SLC1A1: variants seen among roughly 807,000 people sequenced by gnomAD.
SLC1A1 encodes solute carrier family 1 member 1.
SLC1A1 carries 43 observed loss-of-function variants against 53.3 expected under a neutral mutation model. The observed-to-expected ratio is 0.81, with a 90% CI of 0.63 to 1.04. The LOEUF (loss-of-function observed/expected upper bound fraction) is 1.04, where lower values mean the gene tolerates loss of function less well. Among genes scored for constraint, SLC1A1 ranks in the 50% least tolerant of loss-of-function variants. SLC1A1 has a pLI of 0.00. For missense variants in SLC1A1, 748 were observed against 664.9 expected (o/e 1.12, Z -1.37); for synonymous variants, 307 against 243.2 (o/e 1.26, Z -2.44).
chr9:4,502,829 CCTT>C (rs1461114306), intron 1 of SLC1A1, among the ~76,000 whole-genome samples: 2 of 151,794 alleles, frequency 1.3e-5, no homozygotes, highest in Non-Finnish European at 2.9e-5. Context: ...CTATTCTCCT[CCTT>C]CTTGCTTCAT....
At position 4,574,871 on chromosome 9, in the gene SLC1A1, G is replaced by T. The variant is rs971559413; in HGVS notation, c.875+857G>T. Among the ~76,000 whole-genome samples the T allele has an allele frequency of 3.9e-5, 6 of 152,150 alleles. No individual in the cohort carries two copies. In the South Asian group the frequency reaches 1.0e-3, roughly 26 times the overall value. On this transcript the variant is annotated intron_variant, in intron 8 of 11. Coordinates refer to ENST00000262352, the MANE Select transcript of SLC1A1 (RefSeq NM_004170.6). ...ACACAGCGCATTTGGTTCTTAATCT[G>T]TGTTTGCCAAAAACACAGCCCTGCC...
intron 1 of SLC1A1, among the ~76,000 whole-genome samples, chr9:4,516,554 A>G (rs930435065): frequency 6.6e-6 from 1 of 151,382 alleles, no homozygotes; most frequent in African/African-American, 2.4e-5. Flanking sequence ...AATCTATCCC[A>G]CTCCTGATGA....
At chr9:4,508,098 A>C (rs1820863801) in intron 1 of SLC1A1, among the ~76,000 whole-genome samples, 3 of 152,152 alleles carry the variant, frequency 2.0e-5, no homozygotes, top group Admixed American at 2.0e-4. Context: ...ATTTGCCCTG[A>C]TACTGAGGAA....
Position 4,583,141 on chromosome 9 carries a change from G to A in SLC1A1, c.1297G>A (p.Val433Ile). Residue 433 changes from valine to isoleucine, a missense_variant, in exon 11 of 12, where the codon GTC (valine) becomes ATC (isoleucine). Transcript: ENST00000262352. The surrounding 1 kb of genome is among the most constrained non-coding windows in gnomAD (Gnocchi z 4.6). Reference sequence around the variant, plus strand: ...TGCCGTGGGCCTGCCCGCCGAGGATGTCACCCTGATCATTGCTGTCGACTG... The same window carrying A: ...TGCCGTGGGCCTGCCCGCCGAGGATATCACCCTGATCATTGCTGTCGACTG... ...LSAVGLPAED[V>I]TLIIAVDWLL... 6.2e-7 allele frequency: 1 copy of A among 1,614,230 alleles called. No homozygotes were observed. Among genetic ancestry groups the A allele is most frequent in the African/African-American group, 1.3e-5 (1 of 75,054 alleles).
At chr9:4,505,421 T>C (rs1820772643) in intron 1 of SLC1A1, among the ~76,000 whole-genome samples, 1 of 152,122 alleles carries the variant, frequency 6.6e-6, no homozygotes, top group Non-Finnish European at 1.5e-5. Context: ...CAGAACAGTT[T>C]GTCCTGACCA....
intron 4 of SLC1A1, among the ~76,000 whole-genome samples, chr9:4,564,900 T>A (rs958872454): frequency 1.1e-4 from 16 of 152,228 alleles, no homozygotes; most frequent in African/African-American, 3.6e-4. Context: ...AATTTTGTTT[T>A]CACTTAAAAC....
At chr9:4,524,879 G>A (rs1375486673) in intron 1 of SLC1A1, among the ~76,000 whole-genome samples, 2 of 152,066 alleles carry the variant, frequency 1.3e-5, no homozygotes, top group African/African-American at 4.8e-5. Context: ...GCCAGAGTGA[G>A]AACTCGCTAC....
intron 1 of SLC1A1, among the ~76,000 whole-genome samples, chr9:4,493,601 C>T (rs931274551): frequency 4.6e-5 from 7 of 152,142 alleles, no homozygotes; most frequent in Admixed American, 1.3e-4. Flanking sequence ...TGATTATAGC[C>T]GTTCAAATGT....
In SLC1A1 at chr9:4,549,034, C is replaced by T. The variant is rs1817711592; in HGVS notation, c.232+4327C>T. Among the ~76,000 whole-genome samples the T allele has an allele frequency of 1.3e-5, 2 of 152,158 alleles. No individual in the cohort carries two copies. Reference sequence around the variant, plus strand: ...TGAGAATTGTGGCTCTGGAAAAATCCTGGTCCAGCCAGTGAGTTTAAATTC... The same window carrying T: ...TGAGAATTGTGGCTCTGGAAAAATCTTGGTCCAGCCAGTGAGTTTAAATTC... On this transcript the variant is annotated intron_variant, in intron 2 of 11. Coordinates refer to ENST00000262352, the MANE Select transcript of SLC1A1 (RefSeq NM_004170.6). This position sits in a 1 kb window ranked among gnomAD's most constrained non-coding sequence, Gnocchi z 4.1.
chr9:4,500,313 GTTTGT>G (rs976654993), intron 1 of SLC1A1, among the ~76,000 whole-genome samples: 9 of 152,020 alleles, frequency 5.9e-5, no homozygotes, highest in African/African-American at 1.4e-4. Flanking sequence ...TTTCTATTTT[GTTTGT>G]TTTATTTTGA....
intron 10 of SLC1A1, among the ~76,000 whole-genome samples, chr9:4,579,389 A>C (rs1018262882): frequency 6.6e-6 from 1 of 152,194 alleles, no homozygotes; most frequent in Admixed American, 6.5e-5. Context: ...CTGATTTCCA[A>C]GGAGTGGTTT....
rs1818363533 is a variant in SLC1A1, at chr9:4,556,177, GTTTTTGTT to G, written c.233-5258_233-5251del. Among the ~76,000 whole-genome samples, 1 of 151,836 alleles carries G rather than the reference GTTTTTGTT, an allele frequency of 6.6e-6. No homozygotes were observed. The highest frequency in any genetic ancestry group is 6.6e-5 in the Admixed American group (1 of 15,232). ...CAAATTTGTGTGTGTGTGTGGTTTTGTTTTTGTTTTTTTGTTTTTTTAAGTAGAGATGG... is the reference window on the plus strand; with the variant it reads ...CAAATTTGTGTGTGTGTGTGGTTTTGTTTTTGTTTTTTTAAGTAGAGATGG... On this transcript the variant is annotated intron_variant, in intron 2 of 11. Transcript: ENST00000262352. The surrounding 1 kb of genome is among the most constrained non-coding windows in gnomAD (Gnocchi z 4.1).
intron 2 of SLC1A1, among the ~76,000 whole-genome samples, chr9:4,551,307 G>A (rs1327286448): frequency 2.0e-5 from 3 of 151,942 alleles, no homozygotes; most frequent in Non-Finnish European, 1.5e-5. Context: ...ACCATGCCAC[G>A]TGCCTCCCCG....
chr9:4,576,689 T>C lies in SLC1A1; in HGVS notation c.1119T>C (p.Tyr373=), dbSNP rs1168636705. 1 of 1,614,052 alleles carries C rather than the reference T, an allele frequency of 6.2e-7. No homozygotes were observed. Among genetic ancestry groups the C allele is most frequent in the Non-Finnish European group, 8.5e-7 (1 of 1,180,012 alleles). ...TCAACATGGATGGGACTGCGCTCTA[T>C]GAAGCAGTGGCAGCGGTGTTTATTG... ...ATINMDGTAL[Y]EAVAAVFIAQ... is the part of the protein sequence containing the mutation. Residue 373 remains tyrosine, a synonymous_variant, in exon 10 of 12, where the codon TAT becomes TAC. Coordinates refer to ENST00000262352, the MANE Select transcript of SLC1A1 (RefSeq NM_004170.6).
In SLC1A1 at chr9:4,523,873, T is replaced by G. The variant is rs75373447; in HGVS notation, c.92-20694T>G. ...ACAGAGGCACAGGCTACAGGGTATT[T>G]TGTCCAAGATAACACAGCTAATAAA... On this transcript the variant is annotated intron_variant, in intron 1 of 11. Transcript: ENST00000262352. 8.8e-4 allele frequency among the ~76,000 whole-genome samples: 134 copies of G among 152,330 alleles called. 1 individual carries two copies. In the East Asian group the frequency reaches 0.018, roughly 21 times the overall value.
intron 1 of SLC1A1, among the ~76,000 whole-genome samples, chr9:4,521,453 T>C (rs1816068006): frequency 6.6e-6 from 1 of 152,164 alleles, no homozygotes; most frequent in African/African-American, 2.4e-5. Flanking sequence ...ACATCTGGTA[T>C]AGTAGAAAGT....
intron 2 of SLC1A1, among the ~76,000 whole-genome samples, chr9:4,560,725 G>C (rs999165806): frequency 6.6e-6 from 1 of 151,826 alleles, no homozygotes; most frequent in African/African-American, 2.4e-5. Context: ...GGCAGGACAT[G>C]ATGACTCACA....
chr9:4,512,094 A>T (rs1423749447), intron 1 of SLC1A1, among the ~76,000 whole-genome samples: 1 of 152,230 alleles, frequency 6.6e-6, no homozygotes, highest in Non-Finnish European at 1.5e-5. Flanking sequence ...TAAGTTGTTC[A>T]TGGATTGGAT....
chr9:4,519,979 T>G (rs905807837), intron 1 of SLC1A1, among the ~76,000 whole-genome samples: 4 of 152,230 alleles, frequency 2.6e-5, no homozygotes, highest in Non-Finnish European at 4.4e-5. Context: ...GATTTTCAGA[T>G]CACACTGTTC....
Sources: gnomAD v4.1 joint callset for allele counts (sites outside exome capture counted in the v4.1 genomes callset) on GRCh38, gnomAD v4.1.1 for gene constraint, Gnocchi (gnomAD v3.1) non-coding constraint, MANE v1.5 for transcripts, NCBI Gene and HGNC (gene_info 2026-07-23, HGNC 2026-07-21) for gene names.